Variants in PKHD1 observed in about 807,000 individuals in gnomAD.
PKHD1 encodes the protein fibrocystin.
In PKHD1, 291 loss-of-function variants were observed where a neutral mutation model predicts 412.0. That is an observed-to-expected ratio of 0.71 (90% CI 0.64 to 0.78). The LOEUF is 0.78. Ranked by LOEUF, PKHD1 falls within the 30% of genes least tolerant of loss-of-function variation. PKHD1 has a pLI of 0.00. For missense variants in PKHD1, 4,825 were observed against 4,950.7 expected (o/e 0.97, Z 0.76); for synonymous variants, 1,777 against 1,821.5 (o/e 0.98, Z 0.62).
In PKHD1 at chr6:51,748,586, T is replaced by A; in HGVS notation, c.9030A>T (p.Ser3010=). 1 of 1,613,718 alleles carries A rather than the reference T, an allele frequency of 6.2e-7. No homozygotes were observed. The highest frequency in any genetic ancestry group is 8.5e-7 in the Non-Finnish European group (1 of 1,179,738). The change falls in exon 58 of 67, where the codon TCA becomes TCT. Residue 3010 remains serine (S), a synonymous_variant. Transcript: ENST00000371117. ...LYSSVEFSNV[S]AGSWIISSTL... ...TAGATGATATGATCCAGGATCCTGC[T>A]GACACATTACTGAATTCAACAGATG...
chr6:52,026,402 T>C (rs1227390774), intron 31 of PKHD1, among the ~76,000 whole-genome samples: 1 of 152,218 alleles, frequency 6.6e-6, no homozygotes, highest in African/African-American at 2.4e-5. Context: ...CAAATTGTTA[T>C]ATAGGAAGGA....
At chr6:52,068,288 G>C (rs950019163) in intron 11 of PKHD1, among the ~76,000 whole-genome samples, 1 of 152,172 alleles carries the variant, frequency 6.6e-6, no homozygotes, top group Non-Finnish European at 1.5e-5. Flanking sequence ...TCTTCCTACA[G>C]CCTGCTCTGC....
chr6:51,720,785 GTA>G (rs71542398), intron 60 of PKHD1: 41,519 of 141,720 alleles, frequency 0.29, 6,572 homozygotes, highest in Admixed American at 0.43. Flanking sequence ...GTGTGTGTGT[GTA>G]TATATATACA....
At chr6:52,086,387 A>G (rs867099689) in intron 1 of PKHD1, among the ~76,000 whole-genome samples, 1 of 152,120 alleles carries the variant, frequency 6.6e-6, no homozygotes, top group African/African-American at 2.4e-5. Context: ...CTGGGATTAC[A>G]GGCATGAACC....
At chr6:51,681,450 T>G (rs2150566001) in intron 60 of PKHD1, among the ~76,000 whole-genome samples, 1 of 152,212 alleles carries the variant, frequency 6.6e-6, no homozygotes, top group South Asian at 2.1e-4. Flanking sequence ...TCTGTTTTTC[T>G]GAGTTAAAGA....
chr6:51,703,189 T>C (rs1779652898), intron 60 of PKHD1, among the ~76,000 whole-genome samples: 2 of 152,036 alleles, frequency 1.3e-5, no homozygotes. Flanking sequence ...TCTCCCCTTG[T>C]GGTCTTAGTA....
intron 49 of PKHD1, among the ~76,000 whole-genome samples, chr6:51,855,057 G>A (rs759914766): frequency 1.3e-5 from 2 of 152,212 alleles, no homozygotes; most frequent in African/African-American, 2.4e-5. Flanking sequence ...GTGGGTTCGC[G>A]AGTGGGATCT....
Position 51,808,775 on chromosome 6 carries a change from C to T in PKHD1, c.8303-17402G>A, listed in dbSNP as rs73428063. On this transcript the variant is annotated intron_variant, in intron 52 of 66. Coordinates refer to ENST00000371117, the MANE Select transcript of PKHD1 (RefSeq NM_138694.4). Reference sequence around the variant, plus strand: ...TGGATATTTATGGAATGTGGATCTACGCAAAATTTGACTCTGCCATTGGAA... The same window carrying T: ...TGGATATTTATGGAATGTGGATCTATGCAAAATTTGACTCTGCCATTGGAA... 4.1e-3 allele frequency among the ~76,000 whole-genome samples: 628 copies of T among 152,050 alleles called. 4 individuals carry two copies. The highest frequency in any genetic ancestry group is 0.034 in the Middle Eastern group (10 of 294).
At chr6:51,901,767 G>A (rs1781344866) in intron 43 of PKHD1, among the ~76,000 whole-genome samples, 1 of 150,900 alleles carries the variant, frequency 6.6e-6, no homozygotes, top group African/African-American at 2.4e-5. Flanking sequence ...TACATTACCA[G>A]TTTAACCTAA....
chr6:51,941,337 GC>G (rs1788523260), intron 36 of PKHD1, among the ~76,000 whole-genome samples: 1 of 132,126 alleles, frequency 7.6e-6, no homozygotes, highest in African/African-American at 2.8e-5. Flanking sequence ...CTCACTGCAA[GC>G]TCCGCTTCCC....
chr6:52,076,276 C>A lies in PKHD1; in HGVS notation c.448G>T (p.Gly150Ter). 1.9e-6 allele frequency: 3 copies of A among 1,606,034 alleles called. No homozygotes were observed. The highest frequency in any genetic ancestry group is 2.6e-6 in the Non-Finnish European group (3 of 1,172,738). Residue 150 changes from glycine (G) to a stop codon, truncating the protein, a stop_gained and splice_region_variant, in exon 6 of 67, where the codon GGA becomes TGA. Coordinates refer to ENST00000371117, the MANE Select transcript of PKHD1 (RefSeq NM_138694.4). LOFTEE classifies it high-confidence loss of function. ...HQVYPPSGVP[G>*]KLIHVYGWII... Reference sequence around the variant, plus strand: ...CCTATTTTAATAGAAGATTTCTTACCTGGAACACCACTTGGTGGATAAACT... The same window carrying A: ...CCTATTTTAATAGAAGATTTCTTACATGGAACACCACTTGGTGGATAAACT...
chr6:51,673,024 C>T (rs2661498), intron 60 of PKHD1, among the ~76,000 whole-genome samples: 144,839 of 152,302 alleles, frequency 0.95, 68,960 homozygotes, highest in East Asian at 1. Context: ...CTGTGTCTGG[C>T]ATTCTTCTAG....
At chr6:51,965,110 C>T (rs957417825) in intron 35 of PKHD1, among the ~76,000 whole-genome samples, 2 of 152,062 alleles carry the variant, frequency 1.3e-5, no homozygotes, top group Non-Finnish European at 2.9e-5. Context: ...ATTAAAATCC[C>T]AAATCCTTTT....
intron 52 of PKHD1, among the ~76,000 whole-genome samples, chr6:51,829,358 G>A (rs1344374144): frequency 1.3e-5 from 2 of 152,096 alleles, no homozygotes; most frequent in African/African-American, 4.8e-5. Context: ...ATTGCTCCTT[G>A]CTCGGCATAA....
intron 64 of PKHD1, among the ~76,000 whole-genome samples, chr6:51,636,332 G>T (rs1404129895): frequency 1.3e-5 from 2 of 152,142 alleles, no homozygotes; most frequent in East Asian, 3.9e-4. Context: ...GAGCCCAGGG[G>T]TTTAAGACCA....
chr6:51,627,369 CTAGT>C (rs1767387104), intron 65 of PKHD1, among the ~76,000 whole-genome samples: 1 of 151,904 alleles, frequency 6.6e-6, no homozygotes, highest in African/African-American at 2.4e-5. Flanking sequence ...TAAAATGTTA[CTAGT>C]TAAATTGAGA....
chr6:51,950,539 T>C (rs997847419), intron 36 of PKHD1, among the ~76,000 whole-genome samples: 7 of 152,104 alleles, frequency 4.6e-5, no homozygotes, highest in African/African-American at 1.7e-4. Flanking sequence ...TCAGAATCAC[T>C]TGGATGTCTT....
chr6:51,695,550 A>G (rs922019642), intron 60 of PKHD1, among the ~76,000 whole-genome samples: 4 of 152,214 alleles, frequency 2.6e-5, no homozygotes, highest in African/African-American at 7.2e-5. Flanking sequence ...CATAATTTGT[A>G]TCTATGTAAC....
chr6:51,860,214 T>C (rs551259125), intron 48 of PKHD1, among the ~76,000 whole-genome samples: 1 of 152,254 alleles, frequency 6.6e-6, no homozygotes, highest in East Asian at 1.9e-4. Flanking sequence ...AGATATGCTT[T>C]CCACTCTGAA....
Sources: gnomAD v4.1 joint callset for allele counts (sites outside exome capture counted in the v4.1 genomes callset) on GRCh38, gnomAD v4.1.1 for gene constraint, MANE v1.5 for transcripts, NCBI Gene and HGNC (gene_info 2026-07-23, HGNC 2026-07-21) for gene names.